NEURL4: variants seen among roughly 807,000 people sequenced by gnomAD.
The protein encoded by NEURL4 is neuralized-like protein 4.
NEURL4 carries 45 observed loss-of-function variants against 148.0 expected under a neutral mutation model. The ratio of observed to expected loss-of-function variants is 0.30; its 90% CI spans 0.24 to 0.39. NEURL4 has a LOEUF of 0.39. Ranked by LOEUF, NEURL4 falls within the 10% of genes least tolerant of loss-of-function variation. NEURL4 has a pLI of 1.00. For missense variants in NEURL4, 1,776 were observed against 2,144.0 expected (o/e 0.83, Z 3.39); for synonymous variants, 854 against 869.0 (o/e 0.98, Z 0.30).
intron 14 of NEURL4, 71 bp downstream of exon 14, chr17:7,323,414 C>T: frequency 6.6e-7 from 1 of 1,520,198 alleles, no homozygotes; most frequent in Non-Finnish European, 9.1e-7. Flanking sequence ...ACCATAGGCC[C>T]AAACCTTGCT....
intron 28 of NEURL4, 36 bp from the exon 29 acceptor site, chr17:7,316,363 T>A: frequency 2.6e-6 from 4 of 1,554,200 alleles, no homozygotes; most frequent in Non-Finnish European, 2.7e-6. Flanking sequence ...GTGAAGCCTC[T>A]CGCCCCATCA....
In NEURL4 at chr17:7,324,436, T is replaced by C; in HGVS notation, c.1858A>G (p.Thr620Ala). Residue 620 changes from threonine to alanine, a missense_variant, in exon 10 of 29, where the codon ACC becomes GCC. Physicochemically the swap from Thr to Ala is moderately conservative, Grantham distance 58. Transcript: ENST00000399464. The surrounding 1 kb of genome is among the most constrained non-coding windows in gnomAD (Gnocchi z 5.9). ...TGNGVMHNGT[T>A]ILDEYGHNLD... The stretch of plus-strand genomic sequence containing the variant: ...TTGTGCCCGTATTCATCCAGGATGG[T>C]CGTCCCATTGTGCATCACCCCATTC... 6.2e-7 allele frequency: 1 copy of C among 1,614,152 alleles called. No homozygotes were observed. Among genetic ancestry groups the C allele is most frequent in the Non-Finnish European group, 8.5e-7 (1 of 1,180,010 alleles).
Position 7,316,243 on chromosome 17 carries a change from T to TC in NEURL4, c.4568dup (p.Pro1524ThrfsTer11). The TC allele has an allele frequency of 6.2e-7, 1 of 1,613,638 alleles. No individual in the cohort carries two copies. Among genetic ancestry groups the TC allele is most frequent in the Non-Finnish European group, 8.5e-7 (1 of 1,179,906 alleles). On this transcript the variant is annotated frameshift_variant, in exon 29 of 29. Coordinates refer to ENST00000399464, the MANE Select transcript of NEURL4 (RefSeq NM_032442.3). LOFTEE classifies it high-confidence loss of function. ...GTTCTCCAAGGGCAGCGGAAGGGGG[T>TC]CCCGGGGTGTAGGAGCCAGGGCGCA...
Position 7,329,094 on chromosome 17 carries a change from C to A in NEURL4, c.219G>T (p.Gly73=). Residue 73 remains glycine, a synonymous_variant, in exon 1 of 29, where the codon GGG becomes GGT. Transcript: ENST00000399464. ...RQQPGQEFNH[G]LVLSREPLRD... is the part of the protein sequence containing the mutation. Reference sequence around the variant, plus strand: ...GCAAGGGTTCTCGGCTCAACACCAGCCCGTGGTTAAACTCCTGGCCCGGCT... The same window carrying A: ...GCAAGGGTTCTCGGCTCAACACCAGACCGTGGTTAAACTCCTGGCCCGGCT... 6.2e-7 allele frequency: 1 copy of A among 1,610,244 alleles called. No individual in the cohort carries two copies. Among genetic ancestry groups the A allele is most frequent in the Non-Finnish European group, 8.5e-7 (1 of 1,179,012 alleles).
intron 21 of NEURL4, among the ~76,000 whole-genome samples, chr17:7,319,529 C>T (rs951005678): frequency 2.0e-5 from 3 of 151,028 alleles, no homozygotes; most frequent in South Asian, 2.1e-4. Context: ...GGTGAAACTC[C>T]GTCTCTACTA....
chr17:7,316,365 G>T, intron 28 of NEURL4, 38 bp from the exon 29 acceptor site: 1 of 1,536,158 alleles, frequency 6.5e-7, no homozygotes, highest in Non-Finnish European at 9.0e-7. Context: ...GAAGCCTCTC[G>T]CCCCATCACC....
chr17:7,327,945 A>T lies in NEURL4; in HGVS notation c.283-61T>A. The T allele has an allele frequency of 7.6e-7, 1 of 1,312,292 alleles. No individual in the cohort carries two copies. The highest frequency in any genetic ancestry group is 1.0e-6 in the Non-Finnish European group (1 of 961,316). The allele number at this position is 1,312,292 out of a possible 1,614,324, so 81.3% of individuals were successfully genotyped here. Reference sequence around the variant, plus strand: ...GCCACCCCCCATTCCACAGGCCACCATATCTTCCCACCTCTCAGACAGCTA... The same window carrying T: ...GCCACCCCCCATTCCACAGGCCACCTTATCTTCCCACCTCTCAGACAGCTA... On this transcript the variant is annotated intron_variant, in intron 1 of 28. Coordinates refer to ENST00000399464, the MANE Select transcript of NEURL4 (RefSeq NM_032442.3). The surrounding 1 kb of genome is among the most constrained non-coding windows in gnomAD (Gnocchi z 6.6).
intron 8 of NEURL4, 51 bp downstream of exon 8, chr17:7,325,158 C>CCCCCCCCCCCCCCCCCCCCCCCCCCCCCT: frequency 2.7e-6 from 2 of 750,854 alleles, no homozygotes; most frequent in South Asian, 1.6e-5. Flanking sequence ...CCGCCCCCCC[C>CCCCCCCCCCCCCCCCCCCCCCCCCCCCCT]CCCCCATTAG....
Position 7,327,889 on chromosome 17 carries a change from G to A in NEURL4, c.283-5C>T. 6.3e-7 allele frequency: 1 copy of A among 1,595,540 alleles called. No homozygotes were observed. Among genetic ancestry groups the A allele is most frequent in the Non-Finnish European group, 8.5e-7 (1 of 1,171,356 alleles). On this transcript the variant is annotated splice_region_variant and splice_polypyrimidine_tract_variant and intron_variant, in intron 1 of 28. Transcript: ENST00000399464. This position sits in a 1 kb window ranked among gnomAD's most constrained non-coding sequence, Gnocchi z 6.6. ...GGAGCCGCTCCAGGAGTTGACCTGGGATAGGGGTATTGGACAGAGGCTTAG... is the reference window on the plus strand; with the variant it reads ...GGAGCCGCTCCAGGAGTTGACCTGGAATAGGGGTATTGGACAGAGGCTTAG...
Position 7,329,146 on chromosome 17 carries a change from G to A in NEURL4, c.167C>T (p.Ala56Val). The A allele has an allele frequency of 6.2e-7, 1 of 1,608,306 alleles. No homozygotes were observed. The highest frequency in any genetic ancestry group is 8.5e-7 in the Non-Finnish European group (1 of 1,178,918). ...CTGCCGCCGCGCCGTACGCCCACAG[G>A]CCGACAGGCTCACCAAGCGCCCAGT... Reference protein sequence around the residue: ...PRTGRLVSLSACGRTARRQQP... With the variant: ...PRTGRLVSLSVCGRTARRQQP... Residue 56 changes from alanine to valine, a missense_variant, in exon 1 of 29, where the codon GCC (alanine) becomes GTC (valine). Transcript: ENST00000399464.
rs1303370647 is a variant in NEURL4, at chr17:7,325,266, G to A, written c.1574C>T (p.Pro525Leu). The part of the protein sequence containing the change: ...QAEPERLLFH[P>L]NCGQKAAITH... ...GATGGCTGCCTTCTGCCCACAGTTG[G>A]GGTGGAAGAGCAGGCGCTCAGGTTC... The change falls in exon 8 of 29, where the codon CCC becomes CTC. Residue 525 changes from proline to leucine, a missense_variant. Pro to Leu is a moderately conservative substitution (Grantham distance 98). Coordinates refer to ENST00000399464, the MANE Select transcript of NEURL4 (RefSeq NM_032442.3). The A allele has an allele frequency of 1.9e-6, 3 of 1,608,110 alleles. No homozygotes were observed. The highest frequency in any genetic ancestry group is 2.5e-6 in the Non-Finnish European group (3 of 1,177,838).
chr17:7,317,428 C>T, intron 27 of NEURL4, 33 bp downstream of exon 27: 1 of 1,613,300 alleles, frequency 6.2e-7, no homozygotes, highest in Non-Finnish European at 8.5e-7. Flanking sequence ...CCCCCAGGCT[C>T]AGCCCACCTT....
chr17:7,318,887 C>T lies in NEURL4; in HGVS notation c.3684+163G>A. On this transcript the variant is annotated intron_variant, in intron 22 of 28. Coordinates refer to ENST00000399464, the MANE Select transcript of NEURL4 (RefSeq NM_032442.3). The surrounding 1 kb of genome is among the most constrained non-coding windows in gnomAD (Gnocchi z 4.3). ...AGGGACACCGCAGGAAGCAGCAGGC[C>T]TAAGACTGACCAGGCAATGCTACTC... is the stretch of plus-strand genomic sequence containing the variant. 1.1e-6 allele frequency: 1 copy of T among 946,202 alleles called. No homozygotes were observed. The highest frequency in any genetic ancestry group is 1.6e-6 in the Non-Finnish European group (1 of 642,128). 58.6% of individuals were successfully genotyped at this position (946,202 alleles called of 1,614,324 possible).
At position 7,327,766 on chromosome 17, in the gene NEURL4, G is replaced by A. The variant is rs764751508; in HGVS notation, c.401C>T (p.Ser134Phe). ...KGGSWVVSGC[S>F]VLRDGRSVLE... ...CACAGAGCGTCCATCTCTCAGCACA[G>A]AGCAGCCCGACACTACCCACGAGCC... Residue 134 changes from serine (S) to phenylalanine (F), a missense_variant, in exon 2 of 29, where the codon TCT (serine) becomes TTT (phenylalanine). Physicochemically the swap from Ser to Phe is radical, Grantham distance 155. Transcript: ENST00000399464. The surrounding 1 kb of genome is among the most constrained non-coding windows in gnomAD (Gnocchi z 6.6). 6.2e-7 allele frequency: 1 copy of A among 1,614,060 alleles called. No individual in the cohort carries two copies.
Position 7,318,789 on chromosome 17 carries a change from T to G in NEURL4, c.3685-115A>C. 4.1e-6 allele frequency: 5 copies of G among 1,208,884 alleles called. No individual in the cohort carries two copies. The highest frequency in any genetic ancestry group is 5.7e-6 in the Non-Finnish European group (5 of 876,304). 74.9% of individuals were successfully genotyped at this position (1,208,884 alleles called of 1,614,324 possible). ...TGGCTTTGCCTCCATGCTTGCCCAC[T>G]GCCGAGGTTCTCCTCCCACTGCAGT... On this transcript the variant is annotated intron_variant, in intron 22 of 28. Transcript: ENST00000399464. The surrounding 1 kb of genome is among the most constrained non-coding windows in gnomAD (Gnocchi z 4.3).
At position 7,324,956 on chromosome 17, in the gene NEURL4, G is replaced by C. The variant is rs747168867; in HGVS notation, c.1656C>G (p.Gly552=). 1 of 1,613,832 alleles carries C rather than the reference G, an allele frequency of 6.2e-7. No individual in the cohort carries two copies. Among genetic ancestry groups the C allele is most frequent in the African/African-American group, 1.3e-5 (1 of 74,876 alleles). Residue 552 remains glycine (G), a synonymous_variant, in exon 9 of 29, where the codon GGC becomes GGG. Transcript: ENST00000399464. This position sits in a 1 kb window ranked among gnomAD's most constrained non-coding sequence, Gnocchi z 5.9. ...GCAGGGCTCTGCTGCTCAGCACCAC[G>C]CCGTGATTGAAGTCATCGGTGGCAC... The part of the protein sequence containing the change: ...RPHATDDFNH[G]VVLSSRALRD...
Position 7,325,704 on chromosome 17 carries a change from G to C in NEURL4, c.1303C>G (p.His435Asp). The C allele has an allele frequency of 6.2e-7, 1 of 1,613,420 alleles. No individual in the cohort carries two copies. The highest frequency in any genetic ancestry group is 8.5e-7 in the Non-Finnish European group (1 of 1,179,722). ...FSLDELQEGD[H>D]IGLTRKSNSA... Reference sequence around the variant, plus strand: ...TTGGACTTCCTTGTGAGGCCAATGTGGTCACCCTCCTAATCAAAGAAGACA... The same window carrying C: ...TTGGACTTCCTTGTGAGGCCAATGTCGTCACCCTCCTAATCAAAGAAGACA... The change falls in exon 7 of 29, where the codon CAC becomes GAC. Residue 435 changes from histidine to aspartate, a missense_variant. Coordinates refer to ENST00000399464, the MANE Select transcript of NEURL4 (RefSeq NM_032442.3).
rs1038302646 is a variant in NEURL4 at position 7,328,887 on chromosome 17, C to T, written c.282+144G>A. 43 of 710,538 alleles carry T rather than the reference C, an allele frequency of 6.1e-5. 1 individual carries two copies. The East Asian group carries it at 1.2e-3, about 19-fold the overall frequency. The allele number at this position is 710,538 out of a possible 1,614,324, so 44.0% of individuals were successfully genotyped here. A position where few individuals can be genotyped will look rare whatever the true frequency, so the allele number is the denominator to read the frequency against. On this transcript the variant is annotated intron_variant, in intron 1 of 28. Transcript: ENST00000399464. Reference sequence around the variant, plus strand: ...CAATGTTTCTGCTTCATGCTGTCTTCCTGACCGCCCCCTGGTGCTCTATGG... The same window carrying T: ...CAATGTTTCTGCTTCATGCTGTCTTTCTGACCGCCCCCTGGTGCTCTATGG...
chr17:7,321,572 T>C lies in NEURL4; in HGVS notation c.3087A>G (p.Leu1029=). 1.2e-6 allele frequency: 2 copies of C among 1,614,052 alleles called. No individual in the cohort carries two copies. Among genetic ancestry groups the C allele is most frequent in the Non-Finnish European group, 1.7e-6 (2 of 1,179,990 alleles). ...QLQRMNYGRN[L]ERLGVGSRVG... ...CCAGCCACTTCACCCCCAGCCTCTCTAGGTTCCGGCCATAGTTCATCCTCT... is the reference window on the plus strand; with the variant it reads ...CCAGCCACTTCACCCCCAGCCTCTCCAGGTTCCGGCCATAGTTCATCCTCT... Residue 1029 remains leucine, a synonymous_variant, in exon 18 of 29, where the codon CTA becomes CTG. Transcript: ENST00000399464. The surrounding 1 kb of genome is among the most constrained non-coding windows in gnomAD (Gnocchi z 6.3).
Sources: gnomAD v4.1 joint callset for allele counts (sites outside exome capture counted in the v4.1 genomes callset) on GRCh38, gnomAD v4.1.1 for gene constraint, Gnocchi (gnomAD v3.1) non-coding constraint, MANE v1.5 for transcripts, NCBI Gene and HGNC (gene_info 2026-07-23, HGNC 2026-07-21) for gene names.